Variants in GOLM2 observed in about 807,000 individuals in gnomAD.
The protein encoded by GOLM2 is golgi membrane protein 2, also known as protein GOLM2.
GOLM2 carries 26 observed loss-of-function variants against 55.9 expected under a neutral mutation model. That is an observed-to-expected ratio of 0.47 (90% CI 0.34 to 0.65). The LOEUF (loss-of-function observed/expected upper bound fraction) is 0.65, where lower values mean the gene tolerates loss of function less well. GOLM2 is among the 30% of genes least tolerant of loss of function. The probability of loss-of-function intolerance (pLI) is 0.01; values close to 1 mark genes in which losing one functional copy is unlikely to be tolerated. For missense variants in GOLM2, 486 were observed against 531.8 expected, an observed-to-expected ratio of 0.91 and a Z score of 0.85; for synonymous variants, 165 against 194.6, an observed-to-expected ratio of 0.85 and a Z score of 1.27.
chr15:44,340,426 A>G (rs1418317272), intron 6 of GOLM2, among the ~76,000 whole-genome samples: 1 of 151,912 alleles, frequency 6.6e-6, no homozygotes, highest in East Asian at 1.9e-4. Flanking sequence ...ACACCTGGCT[A>G]ATATTTTTAT....
intron 1 of GOLM2, among the ~76,000 whole-genome samples, chr15:44,306,020 A>C (rs986874822): frequency 6.6e-5 from 10 of 152,324 alleles, no homozygotes; most frequent in Admixed American, 6.5e-4. Flanking sequence ...CTAGGATTTT[A>C]GGAATGGTAA....
intron 6 of GOLM2, among the ~76,000 whole-genome samples, chr15:44,358,708 A>G (rs1046664273): frequency 3.9e-5 from 6 of 152,256 alleles, no homozygotes; most frequent in African/African-American, 1.4e-4. Context: ...AACTCAAAAT[A>G]GATCATAGAC....
intron 8 of GOLM2, among the ~76,000 whole-genome samples, chr15:44,401,010 C>T (rs1246456797): frequency 6.6e-6 from 1 of 152,128 alleles, no homozygotes; most frequent in African/African-American, 2.4e-5. Flanking sequence ...TGACCAGTAC[C>T]CCCAGAATTC....
At chr15:44,355,024 A>G in intron 6 of GOLM2, 1 of 154,630 alleles carries the variant, frequency 6.5e-6, no homozygotes, top group East Asian at 1.9e-4. Context: ...GCTGGGGCAC[A>G]CTTAGAGGAG....
intron 6 of GOLM2, among the ~76,000 whole-genome samples, chr15:44,350,390 C>T (rs924269408): frequency 6.6e-6 from 1 of 152,178 alleles, no homozygotes; most frequent in East Asian, 1.9e-4. Flanking sequence ...GGTTAAATTC[C>T]TAGACACATA....
chr15:44,313,004 A>G (rs771030195), intron 1 of GOLM2, among the ~76,000 whole-genome samples: 1 of 152,078 alleles, frequency 6.6e-6, no homozygotes, highest in Non-Finnish European at 1.5e-5. Context: ...ATTTGAACTC[A>G]GGAGGCGGAG....
chr15:44,307,709 AT>A (rs1421291446), intron 1 of GOLM2: 2 of 152,186 alleles, frequency 1.3e-5, no homozygotes, highest in Non-Finnish European at 2.9e-5. Context: ...TAGAAAAATA[AT>A]CCATAATGCA....
chr15:44,347,884 A>AG (rs1267859775), intron 6 of GOLM2, among the ~76,000 whole-genome samples: 2 of 152,192 alleles, frequency 1.3e-5, no homozygotes, highest in Non-Finnish European at 1.5e-5. Flanking sequence ...ACAGGCATCT[A>AG]GGGTACCAAG....
At chr15:44,333,205 T>C (rs1373382841) in intron 4 of GOLM2, among the ~76,000 whole-genome samples, 5 of 152,216 alleles carry the variant, frequency 3.3e-5, no homozygotes, top group Non-Finnish European at 7.3e-5. Context: ...GTGCTGAGAT[T>C]ACAGGCATGA....
intron 6 of GOLM2, among the ~76,000 whole-genome samples, chr15:44,366,808 A>G (rs933286750): frequency 6.6e-6 from 1 of 152,098 alleles, no homozygotes; most frequent in Admixed American, 6.6e-5. Context: ...GTTACAGTTC[A>G]CTATAATCAT....
intron 8 of GOLM2, among the ~76,000 whole-genome samples, chr15:44,384,037 G>A (rs770385089): frequency 7.2e-5 from 11 of 151,870 alleles, no homozygotes; most frequent in South Asian, 2.1e-4. Context: ...TTATATTGTC[G>A]TTCCTGATAT....
intron 8 of GOLM2, among the ~76,000 whole-genome samples, chr15:44,397,403 T>C (rs1037855305): frequency 7.4e-6 from 1 of 134,238 alleles, no homozygotes; most frequent in Non-Finnish European, 1.5e-5. Flanking sequence ...GGCATGAACC[T>C]GGGAGGCGGA....
At chr15:44,300,020 A>G (rs1271089835) in intron 1 of GOLM2, among the ~76,000 whole-genome samples, 2 of 149,832 alleles carry the variant, frequency 1.3e-5, no homozygotes, top group East Asian at 4.0e-4. Context: ...GGATCACTTG[A>G]GCCCAGGAGT....
In GOLM2 at chr15:44,288,952, G is replaced by C; in HGVS notation, c.-78G>C. On this transcript the variant is annotated 5_prime_UTR_variant, in exon 1 of 10. Coordinates refer to ENST00000299957, the MANE Select transcript of GOLM2 (RefSeq NM_138423.4). ...CCGGCCCTGGGGCCGTGTCCGCCGG[G>C]CAACTCCAGCCGAGGCCTGGGCTTC... 1 of 1,373,398 alleles carries C rather than the reference G, an allele frequency of 7.3e-7. No individual in the cohort carries two copies. The highest frequency in any genetic ancestry group is 9.9e-7 in the Non-Finnish European group (1 of 1,007,360). 85.1% of individuals were successfully genotyped at this position (1,373,398 alleles called of 1,614,324 possible). A position where few individuals can be genotyped will look rare whatever the true frequency, so the allele number is the denominator to read the frequency against.
intron 6 of GOLM2, among the ~76,000 whole-genome samples, chr15:44,345,656 T>C (rs1343261290): frequency 6.6e-6 from 1 of 152,286 alleles, no homozygotes; most frequent in South Asian, 2.1e-4. Context: ...TATTTCTTTC[T>C]TGGAAACTCT....
At chr15:44,370,982 T>A (rs958165486) in intron 6 of GOLM2, among the ~76,000 whole-genome samples, 5 of 152,192 alleles carry the variant, frequency 3.3e-5, no homozygotes, top group Admixed American at 2.0e-4. Flanking sequence ...TCTGTTCAGC[T>A]CTCAGCCCTA....
At chr15:44,387,888 T>C (rs892266340) in intron 8 of GOLM2, among the ~76,000 whole-genome samples, 3 of 152,160 alleles carry the variant, frequency 2.0e-5, no homozygotes, top group Non-Finnish European at 2.9e-5. Flanking sequence ...TAGACTCTTA[T>C]GATGATTTTC....
intron 9 of GOLM2, among the ~76,000 whole-genome samples, chr15:44,412,194 A>C (rs1035308028): frequency 2.6e-5 from 4 of 151,890 alleles, no homozygotes; most frequent in Non-Finnish European, 5.9e-5. Flanking sequence ...AACAAACAAA[A>C]AAACCTCTTC....
In GOLM2 at chr15:44,402,923, C is replaced by T. The variant is rs771771244; in HGVS notation, c.1109C>T (p.Pro370Leu). 8.1e-6 allele frequency: 13 copies of T among 1,613,884 alleles called. No homozygotes were observed. The highest frequency in any genetic ancestry group is 6.7e-5 in the East Asian group (3 of 44,880). The change falls in exon 9 of 10, where the codon CCG (proline) becomes CTG (leucine). Residue 370 changes from proline (P) to leucine (L), a missense_variant. Transcript: ENST00000299957. Reference sequence around the variant, plus strand: ...GATGAAAATGAATCCCCTGTTGATCCGCAGCATGGCTCTAAACTGGCGGAT... The same window carrying T: ...GATGAAAATGAATCCCCTGTTGATCTGCAGCATGGCTCTAAACTGGCGGAT... ...FFDENESPVD[P>L]QHGSKLADYN... is the part of the protein sequence containing the mutation.
Sources: gnomAD v4.1 joint callset for allele counts (sites outside exome capture counted in the v4.1 genomes callset) on GRCh38, gnomAD v4.1.1 for gene constraint, MANE v1.5 for transcripts, NCBI Gene and HGNC (gene_info 2026-07-23, HGNC 2026-07-21) for gene names.